TPRG1: variants seen among roughly 807,000 people sequenced by gnomAD.
The protein encoded by TPRG1 is tumor protein p63 regulated 1.
Under a neutral mutation model 29.3 loss-of-function variants are expected in TPRG1, and 29 were observed. The observed-to-expected ratio is 0.99, with a 90% CI of 0.74 to 1.35. The LOEUF (loss-of-function observed/expected upper bound fraction) is 1.35. TPRG1 is among the 40% of genes most tolerant of loss of function. TPRG1 has a pLI of 0.00. For missense variants in TPRG1, 327 were observed against 335.0 expected, an observed-to-expected ratio of 0.98 and a Z score of 0.19; for synonymous variants, 130 against 116.8, an observed-to-expected ratio of 1.11 and a Z score of -0.73.
rs148085794 is a variant in TPRG1 at position 189,075,771 on chromosome 3, A to T, written c.-462-51286A>T. ...CATCAACTGTATCTTCAGGGATAAAATTGGCAACTTTTTAATTTTCTGCTC... is the reference window on the plus strand; with the variant it reads ...CATCAACTGTATCTTCAGGGATAAATTTGGCAACTTTTTAATTTTCTGCTC... On this transcript the variant is annotated intron_variant, in intron 4 of 10. Transcript: ENST00000433971. Among the ~76,000 whole-genome samples, 592 of 152,280 alleles carry T rather than the reference A, an allele frequency of 3.9e-3. 1 individual carries two copies. Among genetic ancestry groups the T allele is most frequent in the Admixed American group, 6.9e-3 (106 of 15,292 alleles).
At chr3:189,302,988 C>G (rs1456207553) in intron 4 of TPRG1, among the ~76,000 whole-genome samples, 1 of 152,186 alleles carries the variant, frequency 6.6e-6, no homozygotes, top group Non-Finnish European at 1.5e-5. Context: ...AACCAATAAA[C>G]TTAGCAGTCA....
rs201932839 is a variant in TPRG1 at position 189,238,737 on chromosome 3, G to A, written c.307G>A (p.Asp103Asn). ...IQGFWLLTKI[D>N]HWNNEKERIL... The stretch of plus-strand genomic sequence containing the variant: ...TTGCTATGATGATTCCTATAGGATA[G>A]ACCACTGGAACAATGAGAAGGAGAG... Residue 103 changes from aspartate (D) to asparagine (N), a missense_variant, in exon 4 of 6, where the codon GAC becomes AAC. By Grantham distance (23) the Asp-to-Asn change is conservative (BLOSUM62 1). Transcript: ENST00000345063. 6.2e-7 allele frequency: 1 copy of A among 1,610,462 alleles called. No homozygotes were observed. Among genetic ancestry groups the A allele is most frequent in the East Asian group, 2.2e-5 (1 of 44,852 alleles).
upstream of TPRG1, among the ~76,000 whole-genome samples, chr3:189,170,421 C>G (rs969621293): frequency 6.6e-6 from 1 of 152,180 alleles, no homozygotes; most frequent in Non-Finnish European, 1.5e-5. Context: ...AATCCTGGCT[C>G]TTCTTAACAG....
chr3:189,232,656 TG>T (rs1471174125), intron 3 of TPRG1, among the ~76,000 whole-genome samples: 1 of 151,990 alleles, frequency 6.6e-6, no homozygotes, highest in African/African-American at 2.4e-5. Context: ...CATGGGATAG[TG>T]GGGGGAAAAG....
intron 4 of TPRG1, among the ~76,000 whole-genome samples, chr3:189,082,976 G>A (rs939467540): frequency 6.6e-6 from 1 of 152,132 alleles, no homozygotes; most frequent in African/African-American, 2.4e-5. Flanking sequence ...TTTGGGTGGG[G>A]TCAGAGCCTA....
chr3:189,144,409 G>A (rs1297459799), intron 3 of TPRG1, among the ~76,000 whole-genome samples: 2 of 152,204 alleles, frequency 1.3e-5, no homozygotes. Flanking sequence ...CAATGAAGAG[G>A]AAACAGTACA....
At chr3:189,029,126 C>G (rs548978173) in intron 4 of TPRG1, among the ~76,000 whole-genome samples, 57 of 151,444 alleles carry the variant, frequency 3.8e-4, no homozygotes, top group African/African-American at 1.3e-3. Context: ...GCCTTTTTTT[C>G]TACTCTAAAA....
At chr3:189,250,513 C>CCCCCCCCG (rs1553931578) in intron 4 of TPRG1, among the ~76,000 whole-genome samples, 2 of 88,752 alleles carry the variant, frequency 2.3e-5, no homozygotes, top group African/African-American at 9.6e-5. Context: ...CGCCCCCCCC[C>CCCCCCCCG]CCCCACCCAG....
chr3:189,296,202 T>C (rs77987485), intron 4 of TPRG1, among the ~76,000 whole-genome samples: 14,685 of 152,280 alleles, frequency 0.096, 870 homozygotes, highest in East Asian at 0.19. Context: ...ATCTTCTTTG[T>C]GAAAGATCAG....
At chr3:189,270,734 G>A (rs563569876) in intron 4 of TPRG1, among the ~76,000 whole-genome samples, 20 of 152,020 alleles carry the variant, frequency 1.3e-4, no homozygotes, top group Non-Finnish European at 2.4e-4. Context: ...CATCACTATC[G>A]GGTGCCATTA....
At chr3:189,095,531 T>C (rs542462992), upstream of TPRG1, among the ~76,000 whole-genome samples, 5 of 152,284 alleles carry the variant, frequency 3.3e-5, no homozygotes, top group East Asian at 9.7e-4. Flanking sequence ...CAGTCTCCGT[T>C]CTTTAAAAAT....
chr3:189,291,806 C>G (rs1719046523), intron 4 of TPRG1, among the ~76,000 whole-genome samples: 1 of 152,220 alleles, frequency 6.6e-6, no homozygotes, highest in South Asian at 2.1e-4. Flanking sequence ...CAGGGCAACA[C>G]TGACACACCA....
chr3:189,229,881 T>C (rs1008976610), intron 3 of TPRG1, among the ~76,000 whole-genome samples: 3 of 152,180 alleles, frequency 2.0e-5, no homozygotes, highest in Admixed American at 6.5e-5. Context: ...ACGAACATAC[T>C]ACAGTAGGCA....
At chr3:189,092,337 G>A (rs1276353248) in intron 4 of TPRG1, among the ~76,000 whole-genome samples, 2 of 152,026 alleles carry the variant, frequency 1.3e-5, no homozygotes, top group African/African-American at 2.4e-5. Flanking sequence ...TGATGTTGCT[G>A]GTCTGTGGAC....
At chr3:189,299,527 G>C (rs113767231) in intron 4 of TPRG1, among the ~76,000 whole-genome samples, 3 of 151,392 alleles carry the variant, frequency 2.0e-5, no homozygotes, top group African/African-American at 7.3e-5. Context: ...TTTTTAAACA[G>C]AACAACTCAG....
At chr3:189,224,987 A>G (rs9812251) in intron 3 of TPRG1, among the ~76,000 whole-genome samples, 37,838 of 146,004 alleles carry the variant, frequency 0.26, 5,490 homozygotes, top group South Asian at 0.42. Flanking sequence ...GCTGGAGTGC[A>G]GTGGCGTGAT....
intron 4 of TPRG1, among the ~76,000 whole-genome samples, chr3:189,242,886 A>T (rs528589597): frequency 4.6e-5 from 7 of 151,862 alleles, no homozygotes; most frequent in African/African-American, 1.7e-4. Context: ...ATTTCATATT[A>T]ATTTTGATAA....
intron 4 of TPRG1, among the ~76,000 whole-genome samples, chr3:189,279,705 A>T (rs906434740): frequency 6.6e-6 from 1 of 152,176 alleles, no homozygotes; most frequent in Admixed American, 6.5e-5. Flanking sequence ...AACAGAAACA[A>T]AGGAAAACAC....
chr3:189,255,768 A>C (rs1299498034), intron 4 of TPRG1, among the ~76,000 whole-genome samples: 1 of 152,230 alleles, frequency 6.6e-6, no homozygotes, highest in African/African-American at 2.4e-5. Flanking sequence ...GTATGTGTCC[A>C]GGAATTTATC....
Sources: allele counts gnomAD v4.1 joint callset (sites outside exome capture counted in the v4.1 genomes callset), GRCh38; gene constraint gnomAD v4.1.1; transcripts MANE v1.5; gene names NCBI Gene and HGNC (gene_info 2026-07-23, HGNC 2026-07-21).